MSH3: variants seen among roughly 807,000 people sequenced by gnomAD.
MSH3 encodes DNA mismatch repair protein Msh3.
Under a neutral mutation model 123.3 loss-of-function variants are expected in MSH3, and 106 were observed. The ratio of observed to expected loss-of-function variants is 0.86; its 90% CI spans 0.73 to 1.01. MSH3 has a LOEUF of 1.01. MSH3 is among the 50% of genes least tolerant of loss of function. The probability of loss-of-function intolerance (pLI) is 0.00; values close to 1 mark genes in which losing one functional copy is unlikely to be tolerated. For synonymous variants in MSH3, 515 were observed against 481.4 expected (o/e 1.07, Z -0.91); for missense variants, 1,459 against 1,347.6 (o/e 1.08, Z -1.29).
intron 8 of MSH3, among the ~76,000 whole-genome samples, chr5:80,711,130 G>C (rs1278657959): frequency 6.6e-6 from 1 of 152,224 alleles, no homozygotes; most frequent in East Asian, 1.9e-4. Flanking sequence ...AGTTTACCTA[G>C]TATAGACTTT....
At position 80,679,014 on chromosome 5, in the gene MSH3, C is replaced by G. The variant is rs750697976; in HGVS notation, c.1261C>G (p.Leu421Val). ...AGAGCTAGAAACCCGGATGTCAAGC[C>G]TGCAGCCAGTAGAGCTGCTGCTTCC... ...RSELETRMSSLQPVELLLPSA... is the reference protein window; with the variant it reads ...RSELETRMSSVQPVELLLPSA... Residue 421 changes from leucine (L) to valine (V), a missense_variant, in exon 8 of 24, where the codon CTG (leucine) becomes GTG (valine). Physicochemically the swap from Leu to Val is conservative, Grantham distance 32. Coordinates refer to ENST00000265081, the MANE Select transcript of MSH3 (RefSeq NM_002439.5). The G allele has an allele frequency of 4.5e-5, 72 of 1,614,064 alleles. No individual in the cohort carries two copies. Among genetic ancestry groups the G allele is most frequent in the Non-Finnish European group, 5.8e-5 (69 of 1,180,030 alleles).
At chr5:80,665,421 T>G (rs372828270) in intron 3 of MSH3, 58 bp downstream of exon 3, 1 of 1,325,282 alleles carries the variant, frequency 7.5e-7, no homozygotes, top group South Asian at 1.2e-5. Context: ...TCTGAAGTAC[T>G]GTCAGGTTCT....
chr5:80,835,782 G>A (rs1343682801), intron 20 of MSH3, among the ~76,000 whole-genome samples: 4 of 152,016 alleles, frequency 2.6e-5, no homozygotes, highest in Non-Finnish European at 4.4e-5. Flanking sequence ...GGGCATGGTG[G>A]CACATTCCTA....
At chr5:80,823,250 A>T (rs747694754) in intron 20 of MSH3, among the ~76,000 whole-genome samples, 1 of 152,224 alleles carries the variant, frequency 6.6e-6, no homozygotes, top group Non-Finnish European at 1.5e-5. Context: ...TTTCTAAAAT[A>T]AATGTGTGAA....
intron 1 of MSH3, chr5:80,655,219 G>C (rs1045875483): frequency 8.5e-6 from 3 of 351,552 alleles, no homozygotes; most frequent in African/African-American, 6.3e-5. Context: ...CAGGAACTCA[G>C]GTCTCCTGAC....
intron 6 of MSH3, among the ~76,000 whole-genome samples, chr5:80,673,535 A>C (rs951214008): frequency 1.3e-5 from 2 of 152,134 alleles, no homozygotes; most frequent in African/African-American, 4.8e-5. Flanking sequence ...GTCTCAAACA[A>C]ACAAACAAAC....
intron 12 of MSH3, among the ~76,000 whole-genome samples, chr5:80,758,889 G>C (rs987697128): frequency 1.3e-5 from 2 of 152,114 alleles, no homozygotes; most frequent in African/African-American, 2.4e-5. Context: ...TATTTTATCA[G>C]TCCTCAAACC....
chr5:80,738,603 G>A (rs575631745), intron 10 of MSH3, among the ~76,000 whole-genome samples: 1 of 152,160 alleles, frequency 6.6e-6, no homozygotes, highest in East Asian at 1.9e-4. Flanking sequence ...AGTATTTCTG[G>A]ACAGCCCACA....
At chr5:80,842,700 C>T (rs1745649043) in intron 20 of MSH3, among the ~76,000 whole-genome samples, 1 of 152,082 alleles carries the variant, frequency 6.6e-6, no homozygotes, top group African/African-American at 2.4e-5. Context: ...CATGATTTGG[C>T]TATTTGTCTA....
chr5:80,771,377 A>G (rs1023570606), intron 15 of MSH3, among the ~76,000 whole-genome samples: 1 of 151,802 alleles, frequency 6.6e-6, no homozygotes, highest in African/African-American at 2.4e-5. Flanking sequence ...TACTCGGGAG[A>G]CTAAGGTAGA....
Position 80,725,572 on chromosome 5 carries a change from A to ATTT in MSH3, c.1453+9_1453+11dup. ...GATACAGTTGACATCAAAGGTAAAT[A>ATTT]TTTTCCCTGTATGTCCTCAAGTTGA... On this transcript the variant is annotated splice_region_variant and intron_variant, in intron 9 of 23. Transcript: ENST00000265081. 1 of 1,590,742 alleles carries ATTT rather than the reference A, an allele frequency of 6.3e-7. No homozygotes were observed. The highest frequency in any genetic ancestry group is 8.6e-7 in the Non-Finnish European group (1 of 1,158,854).
At chr5:80,730,894 A>ATATTT (rs1554070428) in intron 10 of MSH3, among the ~76,000 whole-genome samples, 21 of 127,790 alleles carry the variant, frequency 1.6e-4, no homozygotes, top group African/African-American at 5.4e-4. Flanking sequence ...ATATATATAT[A>ATATTT]TTTTTTTTTT....
At chr5:80,714,082 A>G (rs1467375027) in intron 8 of MSH3, among the ~76,000 whole-genome samples, 2 of 151,814 alleles carry the variant, frequency 1.3e-5, no homozygotes, top group Non-Finnish European at 2.9e-5. Flanking sequence ...AATCTATGTG[A>G]CAGAATTCTG....
chr5:80,689,889 G>A (rs1750189174), intron 8 of MSH3, among the ~76,000 whole-genome samples: 1 of 152,002 alleles, frequency 6.6e-6, no homozygotes, highest in African/African-American at 2.4e-5. Context: ...AACCTTTCCT[G>A]CATGATTTTT....
chr5:80,693,040 T>C (rs1750351434), intron 8 of MSH3, among the ~76,000 whole-genome samples: 1 of 134,472 alleles, frequency 7.4e-6, no homozygotes, highest in African/African-American at 2.7e-5. Context: ...TACATGCACA[T>C]GTATATGTTT....
At chr5:80,771,477 C>CA (rs61460666) in intron 15 of MSH3, among the ~76,000 whole-genome samples, 2,041 of 99,410 alleles carry the variant, frequency 0.021, 32 homozygotes, top group East Asian at 0.11. Flanking sequence ...AACCCTGTCT[C>CA]AAAAAAAAAA....
intron 2 of MSH3, among the ~76,000 whole-genome samples, chr5:80,658,290 C>T (rs1481838120): frequency 6.6e-6 from 1 of 152,104 alleles, no homozygotes; most frequent in Non-Finnish European, 1.5e-5. Flanking sequence ...AACTCCTGGC[C>T]TCAAGTGATC....
At chr5:80,705,382 A>T (rs964933389) in intron 8 of MSH3, among the ~76,000 whole-genome samples, 2 of 152,210 alleles carry the variant, frequency 1.3e-5, no homozygotes, top group Non-Finnish European at 2.9e-5. Flanking sequence ...ATTGACTGTT[A>T]TAGTTCCAGG....
At chr5:80,826,242 C>G (rs1745296904) in intron 20 of MSH3, among the ~76,000 whole-genome samples, 1 of 152,178 alleles carries the variant, frequency 6.6e-6, no homozygotes, top group Non-Finnish European at 1.5e-5. Flanking sequence ...ATGTAAGAAT[C>G]TACTGTATGG....
Sources: gnomAD v4.1 joint callset for allele counts (sites outside exome capture counted in the v4.1 genomes callset) on GRCh38, gnomAD v4.1.1 for gene constraint, MANE v1.5 for transcripts, NCBI Gene and HGNC (gene_info 2026-07-23, HGNC 2026-07-21) for gene names.